C8orf34: variants seen among roughly 807,000 people sequenced by gnomAD.
C8orf34 encodes the protein uncharacterized protein C8orf34.
Under a neutral mutation model 68.3 loss-of-function variants are expected in C8orf34, and 65 were observed. The ratio of observed to expected loss-of-function variants is 0.95; its 90% CI spans 0.78 to 1.17. The LOEUF is 1.17. Among genes scored for constraint, C8orf34 ranks in the 50% most tolerant of loss-of-function variants. C8orf34 has a pLI of 0.00. For missense variants in C8orf34, 664 were observed against 655.4 expected (o/e 1.01, Z -0.14); for synonymous variants, 244 against 241.2 (o/e 1.01, Z -0.11).
chr8:68,445,519 T>A (rs1389891183), intron 2 of C8orf34, among the ~76,000 whole-genome samples: 11 of 152,094 alleles, frequency 7.2e-5, no homozygotes, highest in Non-Finnish European at 1.6e-4. Flanking sequence ...ACCCTTTAAT[T>A]GTGGAATGGG....
At chr8:68,388,959 A>T (rs1293585123) in intron 1 of C8orf34, among the ~76,000 whole-genome samples, 1 of 152,184 alleles carries the variant, frequency 6.6e-6, no homozygotes, top group African/African-American at 2.4e-5. Context: ...TTTCTGTCAC[A>T]TAACTGTACT....
At chr8:68,471,159 G>A (rs1316699986) in intron 4 of C8orf34, among the ~76,000 whole-genome samples, 1 of 152,138 alleles carries the variant, frequency 6.6e-6, no homozygotes, top group African/African-American at 2.4e-5. Flanking sequence ...AGATATAGTA[G>A]AAGGTTGTTT....
intron 7 of C8orf34, among the ~76,000 whole-genome samples, chr8:68,555,159 G>A (rs564668936): frequency 2.6e-5 from 4 of 152,186 alleles, no homozygotes; most frequent in African/African-American, 9.6e-5. Context: ...GTGTGGTATA[G>A]TAAAGAGAAC....
At chr8:68,390,777 A>T (rs992702609) in intron 1 of C8orf34, among the ~76,000 whole-genome samples, 1 of 152,146 alleles carries the variant, frequency 6.6e-6, no homozygotes, top group African/African-American at 2.4e-5. Context: ...CTCCAGAGAA[A>T]CAGAGCCAAT....
intron 9 of C8orf34, among the ~76,000 whole-genome samples, chr8:68,710,020 C>A (rs1821287044): frequency 6.6e-6 from 1 of 152,018 alleles, no homozygotes; most frequent in Non-Finnish European, 1.5e-5. Flanking sequence ...CATCTCCAGC[C>A]ATAAAAGAAA....
At chr8:68,576,883 C>T (rs1339221832) in intron 7 of C8orf34, among the ~76,000 whole-genome samples, 1 of 151,876 alleles carries the variant, frequency 6.6e-6, no homozygotes, top group Non-Finnish European at 1.5e-5. Context: ...TTGAAATGCA[C>T]ACAAACCAAT....
chr8:68,590,248 G>C (rs1371191802), intron 7 of C8orf34, among the ~76,000 whole-genome samples: 1 of 148,784 alleles, frequency 6.7e-6, no homozygotes, highest in Non-Finnish European at 1.5e-5. Context: ...AGGGAGAGAG[G>C]GAAAAGCAAA....
chr8:68,484,693 C>A (rs1357143023), intron 4 of C8orf34, among the ~76,000 whole-genome samples: 1 of 152,120 alleles, frequency 6.6e-6, no homozygotes, highest in Non-Finnish European at 1.5e-5. Flanking sequence ...ATATCCTGGC[C>A]ACTCAGTATA....
chr8:68,497,273 G>A (rs530257903), intron 5 of C8orf34, among the ~76,000 whole-genome samples: 86 of 152,238 alleles, frequency 5.6e-4, no homozygotes, highest in Non-Finnish European at 1.1e-3. Flanking sequence ...TACATAAAAA[G>A]ATGCTCAGCT....
At chr8:68,389,645 G>A (rs1427364668) in intron 1 of C8orf34, among the ~76,000 whole-genome samples, 2 of 152,044 alleles carry the variant, frequency 1.3e-5, no homozygotes, top group Non-Finnish European at 2.9e-5. Context: ...TTTTCAAATT[G>A]TTGCTTAGGA....
Position 68,710,856 on chromosome 8 carries a change from C to T in C8orf34, c.1327+1777C>T, listed in dbSNP as rs565588128. ...GCACTACTTTCTGGCTGGAGGCCAA[C>T]CAACACAGAACCAGCACACTAAACA... On this transcript the variant is annotated intron_variant, in intron 9 of 13. Transcript: ENST00000518698. 1.2e-4 allele frequency among the ~76,000 whole-genome samples: 19 copies of T among 152,242 alleles called. No individual in the cohort carries two copies. In the East Asian group the frequency reaches 2.9e-3, roughly 23 times the overall value.
chr8:68,599,006 T>A (rs578084394), intron 7 of C8orf34, among the ~76,000 whole-genome samples: 226 of 151,928 alleles, frequency 1.5e-3, no homozygotes, highest in African/African-American at 5.0e-3. Context: ...TATGGTGAGA[T>A]TTAAGTGGAA....
chr8:68,435,469 C>G (rs898290030), intron 1 of C8orf34, among the ~76,000 whole-genome samples: 1 of 152,098 alleles, frequency 6.6e-6, no homozygotes, highest in African/African-American at 2.4e-5. Flanking sequence ...AGCAGGGAAG[C>G]ATGTGGTTCT....
chr8:68,707,390 T>C (rs951236934), intron 8 of C8orf34, among the ~76,000 whole-genome samples: 1 of 152,148 alleles, frequency 6.6e-6, no homozygotes, highest in Admixed American at 6.6e-5. Flanking sequence ...TTAAAGCCTG[T>C]CAGGAACAGT....
chr8:68,331,783 CTTTT>C (rs552564162), intron 1 of C8orf34, among the ~76,000 whole-genome samples: 129 of 29,492 alleles, frequency 4.4e-3, no homozygotes, highest in African/African-American at 7.9e-3. Flanking sequence ...TTCTTTCCTT[CTTTT>C]TTTTTTTTTT....
chr8:68,667,863 G>C (rs1000377867), intron 8 of C8orf34, among the ~76,000 whole-genome samples: 1 of 152,144 alleles, frequency 6.6e-6, no homozygotes, highest in Non-Finnish European at 1.5e-5. Flanking sequence ...TGAATTGTCT[G>C]TCACAACTGA....
chr8:68,497,013 A>G (rs924276330), intron 5 of C8orf34, among the ~76,000 whole-genome samples: 5 of 152,168 alleles, frequency 3.3e-5, no homozygotes, highest in African/African-American at 1.2e-4. Context: ...CTTCACTCTA[A>G]GTTCTCTCAG....
rs901319643 is a variant in C8orf34, at chr8:68,818,665, C to A, written c.*419C>A. On this transcript the variant is annotated 3_prime_UTR_variant, in exon 14 of 14. Transcript: ENST00000518698. ...TTAGATTACTAAACATTCTACTTAT[C>A]CACATGTGCCAAGATGTGCCATTTA... 3 of 156,324 alleles carry A rather than the reference C, an allele frequency of 1.9e-5. No individual in the cohort carries two copies. Among genetic ancestry groups the A allele is most frequent in the African/African-American group, 7.2e-5 (3 of 41,462 alleles). 9.7% of individuals were successfully genotyped at this position (156,324 alleles called of 1,614,324 possible). A position where few individuals can be genotyped will look rare whatever the true frequency, so the allele number is the denominator to read the frequency against.
At chr8:68,358,243 C>T (rs368858103) in intron 1 of C8orf34, among the ~76,000 whole-genome samples, 1 of 151,970 alleles carries the variant, frequency 6.6e-6, no homozygotes, top group Non-Finnish European at 1.5e-5. Flanking sequence ...TTCTGGATTG[C>T]TTAGTGAGAA....
Sources: allele counts gnomAD v4.1 joint callset (sites outside exome capture counted in the v4.1 genomes callset), GRCh38; gene constraint gnomAD v4.1.1; transcripts MANE v1.5; gene names NCBI Gene and HGNC (gene_info 2026-07-23, HGNC 2026-07-21).